PDE6D: variants seen among roughly 807,000 people sequenced by gnomAD.
PDE6D encodes the protein retinal rod rhodopsin-sensitive cGMP 3',5'-cyclic phosphodiesterase subunit delta.
PDE6D carries 10 observed loss-of-function variants against 21.9 expected under a neutral mutation model. The ratio of observed to expected loss-of-function variants is 0.46; its 90% CI spans 0.28 to 0.78. The LOEUF (loss-of-function observed/expected upper bound fraction) is 0.78. PDE6D is among the 30% of genes least tolerant of loss of function. PDE6D has a pLI of 0.12. For synonymous variants in PDE6D, 59 were observed against 63.5 expected, an observed-to-expected ratio of 0.93 and a Z score of 0.34; for missense variants, 139 against 184.8, an observed-to-expected ratio of 0.75 and a Z score of 1.44.
intron 2 of PDE6D, 115 bp downstream of exon 2, chr2:231,738,985 C>A: frequency 1.7e-6 from 1 of 579,384 alleles, no homozygotes. Flanking sequence ...GATTAACATG[C>A]TGTGTCTTCA....
intron 1 of PDE6D, among the ~76,000 whole-genome samples, chr2:231,748,982 C>T (rs528001231): frequency 4.6e-5 from 7 of 152,310 alleles, no homozygotes; most frequent in Admixed American, 2.6e-4. Flanking sequence ...CCTCATAAAG[C>T]GCCTCAGCTA....
chr2:231,769,106 T>G lies in PDE6D; in HGVS notation c.50+11959A>C, dbSNP rs537376433. On this transcript the variant is annotated intron_variant, in intron 1 of 4. Transcript: ENST00000287600. Reference sequence around the variant, plus strand: ...CTGGTCTCGAACTCCTGACCTCATGTGATCCGCCCACCTTGGCCTCCCAAA... The same window carrying G: ...CTGGTCTCGAACTCCTGACCTCATGGGATCCGCCCACCTTGGCCTCCCAAA... Among the ~76,000 whole-genome samples, 11 of 152,272 alleles carry G rather than the reference T, an allele frequency of 7.2e-5. No individual in the cohort carries two copies. The East Asian group carries it at 1.9e-3, about 27-fold the overall frequency.
intron 1 of PDE6D, among the ~76,000 whole-genome samples, chr2:231,742,669 G>T (rs1419577279): frequency 1.3e-5 from 2 of 151,804 alleles, no homozygotes; most frequent in African/African-American, 2.4e-5. Flanking sequence ...TCTTTTTTTT[G>T]GTTTTCTTTT....
chr2:231,780,621 T>G lies in PDE6D; in HGVS notation c.50+444A>C, dbSNP rs369418162. 7.4e-4 allele frequency among the ~76,000 whole-genome samples: 112 copies of G among 152,254 alleles called. 1 individual carries two copies. The South Asian group carries it at 0.023, about 31-fold the overall frequency. On this transcript the variant is annotated intron_variant, in intron 1 of 4. Transcript: ENST00000287600. ...CACAAGGTCGCCCGCTCCAAGTCAC[T>G]GTTCCCCGCTCCCCGGGTAGGCTTA... is the stretch of plus-strand genomic sequence containing the variant.
At chr2:231,758,631 T>C (rs1318937878) in intron 1 of PDE6D, among the ~76,000 whole-genome samples, 2 of 152,144 alleles carry the variant, frequency 1.3e-5, no homozygotes, top group East Asian at 3.8e-4. Flanking sequence ...TTTTTCACAG[T>C]TCCCCAAGTC....
At chr2:231,747,965 C>T (rs1201628366) in intron 1 of PDE6D, among the ~76,000 whole-genome samples, 1 of 152,198 alleles carries the variant, frequency 6.6e-6, no homozygotes, top group Non-Finnish European at 1.5e-5. Flanking sequence ...GATTCTGAGG[C>T]CTCTCCAACC....
At chr2:231,770,387 T>TA (rs2049004981) in intron 1 of PDE6D, among the ~76,000 whole-genome samples, 1 of 152,150 alleles carries the variant, frequency 6.6e-6, no homozygotes, top group Non-Finnish European at 1.5e-5. Flanking sequence ...CTCTAATTGT[T>TA]AAAAAATTCA....
chr2:231,755,281 A>T (rs1054671119), intron 1 of PDE6D, among the ~76,000 whole-genome samples: 2 of 152,220 alleles, frequency 1.3e-5, no homozygotes, highest in Non-Finnish European at 2.9e-5. Context: ...ATAAATTTTT[A>T]AAATTACAGT....
chr2:231,733,962 C>T (rs954667484), intron 4 of PDE6D, among the ~76,000 whole-genome samples: 5 of 151,998 alleles, frequency 3.3e-5, no homozygotes, highest in Non-Finnish European at 7.4e-5. Context: ...CCTGTAATCC[C>T]AGCACTTTGG....
intron 1 of PDE6D, among the ~76,000 whole-genome samples, chr2:231,748,434 G>A (rs1282419052): frequency 6.6e-6 from 1 of 152,188 alleles, no homozygotes; most frequent in Non-Finnish European, 1.5e-5. Flanking sequence ...AAGCAGCAAA[G>A]CATTTAAGAG....
At chr2:231,749,785 T>C (rs1397267149) in intron 1 of PDE6D, among the ~76,000 whole-genome samples, 1 of 152,092 alleles carries the variant, frequency 6.6e-6, no homozygotes, top group Non-Finnish European at 1.5e-5. Context: ...CCAGCTGCCT[T>C]GGCCTCTCAA....
chr2:231,780,924 G>C (rs2049114151), intron 1 of PDE6D, 141 bp downstream of exon 1: 2 of 737,832 alleles, frequency 2.7e-6, no homozygotes, highest in African/African-American at 3.7e-5. Flanking sequence ...CGGGTGCTCG[G>C]CACGCTGTTC....
At chr2:231,750,659 A>ATTTT (rs2048832284) in intron 1 of PDE6D, among the ~76,000 whole-genome samples, 2 of 99,908 alleles carry the variant, frequency 2.0e-5, no homozygotes, top group African/African-American at 5.0e-5. Context: ...ATGCTCATCT[A>ATTTT]ATTTTTTTTT....
chr2:231,748,573 G>T lies in PDE6D; in HGVS notation c.51-9385C>A, dbSNP rs144446900. Among the ~76,000 whole-genome samples the T allele has an allele frequency of 9.9e-3, 1,508 of 152,378 alleles. 27 individuals carry two copies. Among genetic ancestry groups the T allele is most frequent in the African/African-American group, 0.034 (1,431 of 41,594 alleles). On this transcript the variant is annotated intron_variant, in intron 1 of 4. Coordinates refer to ENST00000287600, the MANE Select transcript of PDE6D (RefSeq NM_002601.4). Reference sequence around the variant, plus strand: ...TGGGGAGAAATTCAAGCCAGCTGCAGAAATTTGCATAAGTAGCAAGGAGCC... The same window carrying T: ...TGGGGAGAAATTCAAGCCAGCTGCATAAATTTGCATAAGTAGCAAGGAGCC...
At chr2:231,743,674 C>T (rs965898954) in intron 1 of PDE6D, among the ~76,000 whole-genome samples, 1 of 151,972 alleles carries the variant, frequency 6.6e-6, no homozygotes, top group Non-Finnish European at 1.5e-5. Context: ...CCTCTCCACC[C>T]GTGTGATCTG....
At chr2:231,759,218 G>C (rs1470853559) in intron 1 of PDE6D, among the ~76,000 whole-genome samples, 1 of 152,042 alleles carries the variant, frequency 6.6e-6, no homozygotes, top group African/African-American at 2.4e-5. Context: ...TTGGGAAACC[G>C]AGGTGGGAGG....
intron 4 of PDE6D, among the ~76,000 whole-genome samples, chr2:231,736,286 G>A (rs995277866): frequency 1.3e-5 from 2 of 151,846 alleles, no homozygotes; most frequent in African/African-American, 4.8e-5. Context: ...TGAAAGAGAT[G>A]ATCCAATATT....
chr2:231,764,019 T>G (rs1012651494), intron 1 of PDE6D, among the ~76,000 whole-genome samples: 1 of 152,026 alleles, frequency 6.6e-6, no homozygotes, highest in Non-Finnish European at 1.5e-5. Flanking sequence ...AAAACCCCGA[T>G]TCTTTTGCCA....
chr2:231,737,143 G>C, intron 4 of PDE6D, 44 bp downstream of exon 4: 3 of 1,202,624 alleles, frequency 2.5e-6, no homozygotes, highest in Non-Finnish European at 3.7e-6. Context: ...TGGAATGCCT[G>C]TTTCTAGACA....
Sources: gnomAD v4.1 joint callset for allele counts (sites outside exome capture counted in the v4.1 genomes callset) on GRCh38, gnomAD v4.1.1 for gene constraint, MANE v1.5 for transcripts, NCBI Gene and HGNC (gene_info 2026-07-23, HGNC 2026-07-21) for gene names.